ATP10B: variants seen among roughly 807,000 people sequenced by gnomAD.
ATP10B encodes phospholipid-transporting ATPase VB.
A neutral mutation model predicts 141.2 loss-of-function variants in ATP10B; 122 were observed. That is an observed-to-expected ratio of 0.86 (90% confidence interval 0.75 to 1.00). The LOEUF is 1.00. Ranked by LOEUF, ATP10B falls within the 50% of genes least tolerant of loss-of-function variation. ATP10B has a pLI of 0.00. For synonymous variants in ATP10B, 685 were observed against 692.0 expected (o/e 0.99, Z 0.16); for missense variants, 1,876 against 1,825.3 (o/e 1.03, Z -0.51).
At chr5:160,900,908 GTTTTTTTTTTTTTT>G in the ATP10B span, among the ~76,000 whole-genome samples, 1 of 88,986 alleles carries the variant, frequency 1.1e-5, no homozygotes, top group East Asian at 4.1e-4. Context: ...GGGTAGAGAA[GTTTTTTTTTTTTTT>G]TTTTTTTTTT....
Position 160,620,496 on chromosome 5 carries a change from A to G in ATP10B, c.2267T>C (p.Leu756Pro). 1 of 1,614,206 alleles carries G rather than the reference A, an allele frequency of 6.2e-7. No homozygotes were observed. Among genetic ancestry groups the G allele is most frequent in the Non-Finnish European group, 8.5e-7 (1 of 1,180,018 alleles). Residue 756 changes from leucine (L) to proline (P), a missense_variant, in exon 15 of 26, where the codon CTC (leucine) becomes CCC (proline). By Grantham distance (98) the Leu-to-Pro change is moderately conservative (BLOSUM62 -3). Transcript: ENST00000327245. ...CAGGGTGCAGAGGAGGCTGAAGGTG[A>G]GGCAGGTGCCCTGGGGCAGGCGCAC... ...VTVRLPQGTC[L>P]TFSLLCTLGF... is the part of the protein sequence containing the mutation.
At chr5:160,737,275 T>G (rs1334955814) in intron 2 of ATP10B, among the ~76,000 whole-genome samples, 1 of 152,206 alleles carries the variant, frequency 6.6e-6, no homozygotes, top group Non-Finnish European at 1.5e-5. Flanking sequence ...AAGCCATATA[T>G]GACAGACCCT....
chr5:160,574,461 G>A (rs923223157), intron 24 of ATP10B, among the ~76,000 whole-genome samples: 2 of 152,104 alleles, frequency 1.3e-5, no homozygotes, highest in African/African-American at 4.8e-5. Context: ...TACATCTAAT[G>A]TTAGTGAGAT....
At chr5:160,644,072 G>T in intron 9 of ATP10B, 66 bp downstream of exon 9, 1 of 1,322,102 alleles carries the variant, frequency 7.6e-7, no homozygotes, top group Non-Finnish European at 1.1e-6. Context: ...CCCATTGACT[G>T]AAGATGGATT....
the ATP10B span, among the ~76,000 whole-genome samples, chr5:160,860,485 G>C: frequency 1.3e-5 from 2 of 151,738 alleles, no homozygotes. Context: ...TTTTAGAAAT[G>C]AGTTTGAAGG....
rs1170629163 is a variant in ATP10B at position 160,704,914 on chromosome 5, C to CTTTTTTTTTTTTTTTTTT, written c.-205+11977_-205+11994dup. On this transcript the variant is annotated intron_variant, in intron 3 of 25. Transcript: ENST00000327245. The stretch of plus-strand genomic sequence containing the variant: ...TGCTAGCTTCCAACATTTCTTTCAT[C>CTTTTTTTTTTTTTTTTTT]TTTTTTTTTTTTTTTTTTTTTGTTG... Among the ~76,000 whole-genome samples the CTTTTTTTTTTTTTTTTTT allele has an allele frequency of 3.5e-3, 290 of 83,630 alleles. 13 individuals carry two copies. Among genetic ancestry groups the CTTTTTTTTTTTTTTTTTT allele is most frequent in the Middle Eastern group, 0.012 (1 of 82 alleles). The allele number at this position is 83,630 out of a possible 152,430, so 54.9% of individuals were successfully genotyped here. A position where few individuals can be genotyped will look rare whatever the true frequency, so the allele number is the denominator to read the frequency against.
At chr5:160,641,436 T>G (rs769238913) in intron 9 of ATP10B, among the ~76,000 whole-genome samples, 2 of 152,228 alleles carry the variant, frequency 1.3e-5, no homozygotes, top group Non-Finnish European at 2.9e-5. Flanking sequence ...CAATTTTGGT[T>G]AAAGAAAGGA....
chr5:160,583,217 T>C (rs1755665169), intron 24 of ATP10B, among the ~76,000 whole-genome samples: 1 of 152,218 alleles, frequency 6.6e-6, no homozygotes, highest in African/African-American at 2.4e-5. Flanking sequence ...CTTCATGGAT[T>C]TATCTACCTT....
intron 20 of ATP10B, chr5:160,603,406 T>TGCGACTTTG (rs1348922433): frequency 6.4e-6 from 1 of 155,294 alleles, no homozygotes; most frequent in Non-Finnish European, 1.4e-5. Context: ...TGGCCCAGGA[T>TGCGACTTTG]GGCTTTGAAT....
chr5:160,660,650 G>A (rs1353540553), intron 7 of ATP10B, among the ~76,000 whole-genome samples: 1 of 152,082 alleles, frequency 6.6e-6, no homozygotes, highest in Non-Finnish European at 1.5e-5. Context: ...AAATTCCATT[G>A]AAGTCATAGA....
the ATP10B span, among the ~76,000 whole-genome samples, chr5:160,881,728 G>A: frequency 3.9e-5 from 6 of 152,072 alleles, no homozygotes; most frequent in South Asian, 6.2e-4. Flanking sequence ...GGAGAATGGT[G>A]TGAAAGCGGG....
At chr5:160,761,680 T>C (rs1031309693) in intron 2 of ATP10B, among the ~76,000 whole-genome samples, 1 of 152,116 alleles carries the variant, frequency 6.6e-6, no homozygotes, top group Admixed American at 6.5e-5. Context: ...CAAGTTTCCG[T>C]AACACTCCTA....
intron 2 of ATP10B, among the ~76,000 whole-genome samples, chr5:160,731,396 G>A (rs1426031535): frequency 1.3e-5 from 2 of 152,188 alleles, no homozygotes; most frequent in African/African-American, 4.8e-5. Context: ...ACAGGTACCT[G>A]CTCCTAATGG....
the ATP10B span, among the ~76,000 whole-genome samples, chr5:160,858,151 T>C: frequency 2.6e-5 from 4 of 152,064 alleles, no homozygotes; most frequent in South Asian, 6.2e-4. Context: ...TTTGTGACTA[T>C]GTTGTTTGGT....
At chr5:160,871,940 T>C in the ATP10B span, among the ~76,000 whole-genome samples, 2 of 152,180 alleles carry the variant, frequency 1.3e-5, no homozygotes, top group South Asian at 2.1e-4. Context: ...CAAATGGTAG[T>C]TCTACTTTTA....
At chr5:160,771,775 G>T (rs922190254) in intron 2 of ATP10B, among the ~76,000 whole-genome samples, 1 of 152,158 alleles carries the variant, frequency 6.6e-6, no homozygotes, top group Admixed American at 6.5e-5. Context: ...GCCAGAGTTG[G>T]TAAGAAAAAT....
At chr5:160,755,747 G>A (rs1346952220) in intron 2 of ATP10B, among the ~76,000 whole-genome samples, 5 of 144,584 alleles carry the variant, frequency 3.5e-5, no homozygotes, top group South Asian at 2.2e-4. Flanking sequence ...CTCGGGAGGC[G>A]GAGCTTGCAG....
At chr5:160,673,639 T>G (rs2127729617) in intron 6 of ATP10B, among the ~76,000 whole-genome samples, 1 of 152,262 alleles carries the variant, frequency 6.6e-6, no homozygotes, top group Admixed American at 6.5e-5. Context: ...TTTGTTTCCC[T>G]GTGCCATTTT....
At chr5:160,584,396 G>A in intron 24 of ATP10B, among the ~76,000 whole-genome samples, 1 of 152,174 alleles carries the variant, frequency 6.6e-6, no homozygotes, top group East Asian at 1.9e-4. Context: ...GATGAGCTGG[G>A]TACCTCAGTT....
Sources: gnomAD v4.1 joint callset for allele counts (sites outside exome capture counted in the v4.1 genomes callset) on GRCh38, gnomAD v4.1.1 for gene constraint, MANE v1.5 for transcripts, NCBI Gene and HGNC (gene_info 2026-07-23, HGNC 2026-07-21) for gene names.